The following RIPK1 variants were observed in gnomAD, a reference collection of about 807,000 sequenced individuals.
The protein encoded by RIPK1 is receptor-interacting serine/threonine-protein kinase 1.
In RIPK1, 27 loss-of-function variants were observed where a neutral mutation model predicts 62.4. The ratio of observed to expected loss-of-function variants is 0.43; its 90% CI spans 0.32 to 0.60. The LOEUF is 0.60. Among genes scored for constraint, RIPK1 ranks in the 20% least tolerant of loss-of-function variants. The probability of loss-of-function intolerance (pLI) is 0.07; values close to 1 mark genes in which losing one functional copy is unlikely to be tolerated. For missense variants in RIPK1, 735 were observed against 831.0 expected (o/e 0.88, Z 1.42); for synonymous variants, 287 against 303.2 (o/e 0.95, Z 0.55).
chr6:3,088,117 A>C (rs2113631448), intron 6 of RIPK1, among the ~76,000 whole-genome samples: 1 of 152,094 alleles, frequency 6.6e-6, no homozygotes, highest in Admixed American at 6.5e-5. Context: ...TTTTCTTCCT[A>C]TGTTTGGAGA....
chr6:3,065,264 CAAAAAAAAAAA>C (rs57722248), upstream of RIPK1, among the ~76,000 whole-genome samples: 263 of 40,626 alleles, frequency 6.5e-3, no homozygotes, highest in Non-Finnish European at 9.4e-3. Context: ...GACTCCGTCT[CAAAAAAAAAAA>C]AAAAAAAAAA....
At position 3,105,347 on chromosome 6, in the gene RIPK1, C is replaced by T. The variant is rs1760785918; in HGVS notation, c.1007-135C>T. On this transcript the variant is annotated intron_variant, in intron 8 of 10. Transcript: ENST00000259808. The surrounding 1 kb of genome is among the most constrained non-coding windows in gnomAD (Gnocchi z 4.5). ...AAGCTTGTGGGAAGAGGACCATCTC[C>T]TAAATGCTTTGGACTGGTCTCGTAC... The T allele has an allele frequency of 3.0e-6, 2 of 670,224 alleles. No individual in the cohort carries two copies. Among genetic ancestry groups the T allele is most frequent in the Non-Finnish European group, 5.1e-6 (2 of 389,060 alleles). The allele number at this position is 670,224 out of a possible 1,614,324, so 41.5% of individuals were successfully genotyped here.
intron 9 of RIPK1, among the ~76,000 whole-genome samples, chr6:3,107,297 C>A (rs1452280475): frequency 1.3e-5 from 2 of 149,730 alleles, no homozygotes; most frequent in Non-Finnish European, 3.0e-5. Context: ...TGGCTCACGC[C>A]TGTAATTCCA....
chr6:3,084,256 CAT>C (rs1470523127), intron 5 of RIPK1, among the ~76,000 whole-genome samples: 1 of 152,194 alleles, frequency 6.6e-6, no homozygotes, highest in Non-Finnish European at 1.5e-5. Flanking sequence ...CTCTCCCTCA[CAT>C]ATTGGAAATC....
intron 10 of RIPK1, among the ~76,000 whole-genome samples, 183 bp from the exon 11 acceptor site, chr6:3,112,870 T>G (rs866467456): frequency 6.6e-6 from 1 of 152,152 alleles, no homozygotes; most frequent in South Asian, 2.1e-4. Context: ...ACATAAAGAC[T>G]CCATGTGGGC....
chr6:3,075,693 A>T (rs1759012670), intron 1 of RIPK1, among the ~76,000 whole-genome samples: 1 of 152,044 alleles, frequency 6.6e-6, no homozygotes, highest in African/African-American at 2.4e-5. Flanking sequence ...GCCTGGCTTG[A>T]GGTTGTTGTT....
At chr6:3,071,421 T>C (rs12528437) in intron 1 of RIPK1, among the ~76,000 whole-genome samples, 25,213 of 152,182 alleles carry the variant, frequency 0.17, 2,161 homozygotes, top group South Asian at 0.19. Context: ...TGCAAAACAT[T>C]TACAAATTCC....
At chr6:3,068,390 C>A, upstream of RIPK1, 3 of 985,438 alleles carry the variant, frequency 3.0e-6, no homozygotes, top group Non-Finnish European at 3.6e-6. Flanking sequence ...AAGAGAGCTC[C>A]GGGACTCAGA....
rs374404185 is a variant in RIPK1, at chr6:3,107,901, C to A, written c.1576+1850C>A. ...AGTGGGAAAGGGGCGCTTGGATCTA[C>A]AATAGATAATAGAATTTTCTGTGTT... is the stretch of plus-strand genomic sequence containing the variant. On this transcript the variant is annotated intron_variant, in intron 9 of 10. Coordinates refer to ENST00000259808, the MANE Select transcript of RIPK1 (RefSeq NM_001354930.2). Among the ~76,000 whole-genome samples, 7 of 151,900 alleles carry A rather than the reference C, an allele frequency of 4.6e-5. No individual in the cohort carries two copies. The South Asian group carries it at 1.4e-3, about 31-fold the overall frequency.
chr6:3,114,455 T>C lies in RIPK1; in HGVS notation c.*1116T>C, dbSNP rs1457615845. 1 of 152,224 alleles carries C rather than the reference T, an allele frequency of 6.6e-6. No individual in the cohort carries two copies. Among genetic ancestry groups the C allele is most frequent in the Non-Finnish European group, 1.5e-5 (1 of 68,052 alleles). The allele number at this position is 152,224 out of a possible 1,614,324, so 9.4% of individuals were successfully genotyped here. A position where few individuals can be genotyped will look rare whatever the true frequency, so the allele number is the denominator to read the frequency against. On this transcript the variant is annotated 3_prime_UTR_variant, in exon 11 of 11. Coordinates refer to ENST00000259808, the MANE Select transcript of RIPK1 (RefSeq NM_001354930.2). This position sits in a 1 kb window ranked among gnomAD's most constrained non-coding sequence, Gnocchi z 5.0. ...CTGGGGGTGGATGAAAGAACTAGAA[T>C]AGAAGACTGAAGCTGGGTAGGCCGC...
intron 7 of RIPK1, among the ~76,000 whole-genome samples, chr6:3,101,064 A>G (rs1446532078): frequency 6.6e-6 from 1 of 152,054 alleles, no homozygotes; most frequent in Non-Finnish European, 1.5e-5. Context: ...AGGTGGGTGG[A>G]TTTCTTGAGG....
intron 7 of RIPK1, among the ~76,000 whole-genome samples, chr6:3,101,342 C>T (rs1263122785): frequency 6.6e-6 from 1 of 152,212 alleles, no homozygotes; most frequent in East Asian, 1.9e-4. Flanking sequence ...GTAATCCCAG[C>T]TCTTTGGGAG....
In RIPK1 at chr6:3,068,534, G is replaced by A. The variant is rs960958580; in HGVS notation, c.-188G>A. ...GCCGGGCGCGCTCGACGCGGACGGC[G>A]GGCCAGCTGCCGGAGCGCGGCGACT... On this transcript the variant is annotated 5_prime_UTR_variant, in exon 1 of 11. Transcript: ENST00000259808. 1 of 985,314 alleles carries A rather than the reference G, an allele frequency of 1.0e-6. No homozygotes were observed. The highest frequency in any genetic ancestry group is 1.1e-4 in the East Asian group (1 of 8,796). The allele number at this position is 985,314 out of a possible 1,614,324, so 61.0% of individuals were successfully genotyped here. A position where few individuals can be genotyped will look rare whatever the true frequency, so the allele number is the denominator to read the frequency against.
At chr6:3,069,664 T>A (rs1758592584) in intron 1 of RIPK1, among the ~76,000 whole-genome samples, 1 of 152,240 alleles carries the variant, frequency 6.6e-6, no homozygotes, top group Admixed American at 6.5e-5. Flanking sequence ...TCATCTGCAT[T>A]CTGTGACTGC....
At chr6:3,107,252 GAAA>G (rs761852945) in intron 9 of RIPK1, among the ~76,000 whole-genome samples, 2 of 117,488 alleles carry the variant, frequency 1.7e-5, no homozygotes, top group Non-Finnish European at 3.5e-5. Flanking sequence ...ATTGTGTCTC[GAAA>G]AAAAAAAAAA....
upstream of RIPK1, chr6:3,068,429 G>A: frequency 1.0e-6 from 1 of 985,488 alleles, no homozygotes; most frequent in Non-Finnish European, 1.2e-6. Flanking sequence ...ACGAGCGGCG[G>A]GGCGGCGCTC....
intron 9 of RIPK1, 80 bp from the exon 10 acceptor site, chr6:3,110,723 C>A (rs954294098): frequency 4.7e-6 from 4 of 854,386 alleles, no homozygotes; most frequent in East Asian, 2.6e-5. Flanking sequence ...TGGCATAAAG[C>A]CCTGCTTTTT....
chr6:3,083,041 A>T (rs1015741566), intron 4 of RIPK1, 44 bp from the exon 5 acceptor site: 3 of 1,578,732 alleles, frequency 1.9e-6, no homozygotes, highest in African/African-American at 1.3e-5. Flanking sequence ...TGATTTGCTT[A>T]CGGCCTTCAC....
chr6:3,072,528 T>G lies in RIPK1; in HGVS notation c.-61+3867T>G, dbSNP rs1758777653. Among the ~76,000 whole-genome samples, 1 of 152,172 alleles carries G rather than the reference T, an allele frequency of 6.6e-6. No homozygotes were observed. Among genetic ancestry groups the G allele is most frequent in the Non-Finnish European group, 1.5e-5 (1 of 68,038 alleles). The stretch of plus-strand genomic sequence containing the variant: ...ATTTAACAATATTTTTATTTTTATT[T>G]TTTTGGACAATTAAATAGTTCTCTT... On this transcript the variant is annotated intron_variant, in intron 1 of 10. Coordinates refer to ENST00000259808, the MANE Select transcript of RIPK1 (RefSeq NM_001354930.2). The surrounding 1 kb of genome is among the most constrained non-coding windows in gnomAD (Gnocchi z 5.6).
Sources: allele counts gnomAD v4.1 joint callset (sites outside exome capture counted in the v4.1 genomes callset), GRCh38; gene constraint gnomAD v4.1.1; non-coding constraint Gnocchi (gnomAD v3.1); transcripts MANE v1.5; gene names NCBI Gene and HGNC (gene_info 2026-07-23, HGNC 2026-07-21).